NCOA2: variants seen among roughly 807,000 people sequenced by gnomAD.
The protein encoded by NCOA2 is class E basic helix-loop-helix protein 75.
A neutral mutation model predicts 145.1 loss-of-function variants in NCOA2; 21 were observed. That is an observed-to-expected ratio of 0.14 (90% CI 0.10 to 0.21). The LOEUF (loss-of-function observed/expected upper bound fraction) is 0.21. Ranked by LOEUF, NCOA2 falls within the 10% of genes least tolerant of loss-of-function variation. The pLI is 1.00. For missense variants in NCOA2, 1,472 were observed against 1,837.6 expected (o/e 0.80, Z 3.64); for synonymous variants, 619 against 637.5 (o/e 0.97, Z 0.44).
chr8:70,254,292 T>C (rs1385736967), intron 2 of NCOA2, among the ~76,000 whole-genome samples: 2 of 152,224 alleles, frequency 1.3e-5, no homozygotes, highest in Non-Finnish European at 2.9e-5. Flanking sequence ...GCATTACTGA[T>C]GGCATGTAAA....
Position 70,131,970 on chromosome 8 carries a change from A to G in NCOA2, c.3191T>C (p.Leu1064Pro), listed in dbSNP as rs751202959. The G allele has an allele frequency of 7.4e-6, 12 of 1,612,612 alleles. No homozygotes were observed. The East Asian group carries it at 2.5e-4, about 33-fold the overall frequency. ...QPFGSSPDDL[L>P]CPHPAAESPS... ...AGACTCAGCTGCAGGATGTGGACAT[A>G]GCAAGTCATCTGGAGAACTGCCAAA... Residue 1064 changes from leucine to proline, a missense_variant, in exon 16 of 23, where the codon CTA (leucine) becomes CCA (proline). By Grantham distance (98) the Leu-to-Pro change is moderately conservative (BLOSUM62 -3). Coordinates refer to ENST00000452400, the MANE Select transcript of NCOA2 (RefSeq NM_006540.4).
At chr8:70,343,194 G>T in intron 1 of NCOA2, among the ~76,000 whole-genome samples, 1 of 152,080 alleles carries the variant, frequency 6.6e-6, no homozygotes, top group East Asian at 1.9e-4. Context: ...CGAAGCCTTG[G>T]ATCAAATATC....
At chr8:70,382,944 T>C (rs1812343006) in intron 1 of NCOA2, among the ~76,000 whole-genome samples, 1 of 152,244 alleles carries the variant, frequency 6.6e-6, no homozygotes, top group African/African-American at 2.4e-5. Flanking sequence ...CTCTGCAGTT[T>C]CCACAGCTCT....
At chr8:70,384,270 A>C (rs569036683) in intron 1 of NCOA2, among the ~76,000 whole-genome samples, 56 of 152,064 alleles carry the variant, frequency 3.7e-4, no homozygotes, top group Admixed American at 1.7e-3. Flanking sequence ...AAAAAAAAAA[A>C]ACACACACAC....
At chr8:70,155,904 C>T (rs961819991) in intron 11 of NCOA2, 67 bp downstream of exon 11, 4 of 1,270,556 alleles carry the variant, frequency 3.1e-6, no homozygotes, top group South Asian at 1.6e-5. Context: ...CTTCAAAATG[C>T]CCCTATGGAG....
At chr8:70,326,450 C>CAT (rs397937133) in intron 1 of NCOA2, among the ~76,000 whole-genome samples, 1 of 144,640 alleles carries the variant, frequency 6.9e-6, no homozygotes, top group South Asian at 2.5e-4. Flanking sequence ...CACACACACA[C>CAT]GTGCACACAC....
chr8:70,442,269 T>C, the NCOA2 span, among the ~76,000 whole-genome samples: 1 of 152,188 alleles, frequency 6.6e-6, no homozygotes, highest in South Asian at 2.1e-4. Context: ...CTGGCCTAGC[T>C]CACACATGCA....
At chr8:70,243,995 G>A (rs556202687) in intron 2 of NCOA2, among the ~76,000 whole-genome samples, 31 of 151,992 alleles carry the variant, frequency 2.0e-4, no homozygotes, top group African/African-American at 7.0e-4. Flanking sequence ...AGAATCTCCT[G>A]CACTTAGTAT....
intron 2 of NCOA2, among the ~76,000 whole-genome samples, chr8:70,260,775 T>G (rs557231043): frequency 6.6e-6 from 1 of 152,336 alleles, no homozygotes; most frequent in African/African-American, 2.4e-5. Context: ...AGGGAATCTA[T>G]TCCTTAAAAA....
At chr8:70,388,158 GA>G (rs1174311497) in intron 1 of NCOA2, among the ~76,000 whole-genome samples, 2 of 150,506 alleles carry the variant, frequency 1.3e-5, no homozygotes, top group Non-Finnish European at 2.9e-5. Context: ...AGAACTCAAG[GA>G]AAAAACTGAA....
chr8:70,123,204 T>C (rs1011198900), intron 21 of NCOA2, among the ~76,000 whole-genome samples: 3 of 152,240 alleles, frequency 2.0e-5, no homozygotes, highest in Non-Finnish European at 4.4e-5. Context: ...AAAAAATCAT[T>C]GCCTTCACGT....
chr8:70,339,762 G>C (rs1239082116), intron 1 of NCOA2, among the ~76,000 whole-genome samples: 2 of 152,072 alleles, frequency 1.3e-5, no homozygotes, highest in African/African-American at 4.8e-5. Context: ...GAACAGAATA[G>C]AGAACTCAGT....
At chr8:70,255,452 T>C (rs1238723454) in intron 2 of NCOA2, among the ~76,000 whole-genome samples, 2 of 152,178 alleles carry the variant, frequency 1.3e-5, no homozygotes, top group East Asian at 1.9e-4. Context: ...CATACATAGG[T>C]AATTCTATAT....
intron 4 of NCOA2, among the ~76,000 whole-genome samples, chr8:70,195,145 T>C (rs1817144851): frequency 1.3e-5 from 2 of 152,338 alleles, no homozygotes; most frequent in Middle Eastern, 3.4e-3. Context: ...GCACTCTGTA[T>C]GTGTGAATTC....
chr8:70,185,472 C>G (rs1369170646), intron 4 of NCOA2, among the ~76,000 whole-genome samples: 2 of 152,138 alleles, frequency 1.3e-5, no homozygotes, highest in African/African-American at 4.8e-5. Context: ...AATGAAGGCA[C>G]AGGGAGAATG....
At chr8:70,269,502 C>T (rs1383292509) in intron 2 of NCOA2, among the ~76,000 whole-genome samples, 2 of 152,026 alleles carry the variant, frequency 1.3e-5, no homozygotes, top group Admixed American at 6.6e-5. Context: ...GAATGTCAGT[C>T]GGGATCCACA....
chr8:70,283,604 T>C (rs547821252), intron 2 of NCOA2, among the ~76,000 whole-genome samples: 10 of 152,224 alleles, frequency 6.6e-5, no homozygotes, highest in Non-Finnish European at 1.5e-4. Flanking sequence ...TAGTAATTGG[T>C]AGAACAATCA....
intron 4 of NCOA2, among the ~76,000 whole-genome samples, chr8:70,210,606 T>C (rs1818915311): frequency 6.6e-6 from 1 of 152,202 alleles, no homozygotes; most frequent in Non-Finnish European, 1.5e-5. Context: ...CCCCTCCAAA[T>C]TTCCATCCTT....
intron 1 of NCOA2, among the ~76,000 whole-genome samples, chr8:70,353,616 T>C (rs1809434353): frequency 6.6e-6 from 1 of 151,878 alleles, no homozygotes; most frequent in South Asian, 2.1e-4. Context: ...ATGGTAAAAC[T>C]TGGACTAGAA....
Sources: gnomAD v4.1 joint callset for allele counts (sites outside exome capture counted in the v4.1 genomes callset) on GRCh38, gnomAD v4.1.1 for gene constraint, MANE v1.5 for transcripts, NCBI Gene and HGNC (gene_info 2026-07-23, HGNC 2026-07-21) for gene names.